FAM177A1: variants seen among roughly 807,000 people sequenced by gnomAD.
The protein encoded by FAM177A1 is family with sequence similarity 177 member A1.
In FAM177A1, 22 loss-of-function variants were observed where a neutral mutation model predicts 26.1. That is an observed-to-expected ratio of 0.84 (90% CI 0.60 to 1.20). The LOEUF (loss-of-function observed/expected upper bound fraction) is 1.20. Ranked by LOEUF, FAM177A1 falls within the 50% of genes most tolerant of loss-of-function variation. FAM177A1 has a pLI of 0.00. For missense variants in FAM177A1, 296 were observed against 291.1 expected, an observed-to-expected ratio of 1.02 and a Z score of -0.12; for synonymous variants, 95 against 99.3, an observed-to-expected ratio of 0.96 and a Z score of 0.26.
intron 1 of FAM177A1, among the ~76,000 whole-genome samples, chr14:35,051,660 G>A (rs1257395841): frequency 1.3e-5 from 2 of 152,124 alleles, no homozygotes; most frequent in Admixed American, 1.3e-4. Context: ...TGATCCTCCT[G>A]CCTCAGCCTC....
chr14:35,053,646 C>T (rs2045013329), intron 2 of FAM177A1, among the ~76,000 whole-genome samples, 195 bp downstream of exon 2: 1 of 151,996 alleles, frequency 6.6e-6, no homozygotes, highest in Non-Finnish European at 1.5e-5. Context: ...ATTTCAGTAG[C>T]CTGAAACAGC....
chr14:35,049,724 G>T (rs1266395702), intron 1 of FAM177A1, among the ~76,000 whole-genome samples: 1 of 152,164 alleles, frequency 6.6e-6, no homozygotes, highest in Non-Finnish European at 1.5e-5. Flanking sequence ...GGTAGAGGTT[G>T]CAGTGAGCCA....
intron 2 of FAM177A1, among the ~76,000 whole-genome samples, chr14:35,074,973 G>A (rs2045373424): frequency 6.6e-6 from 1 of 152,100 alleles, no homozygotes; most frequent in African/African-American, 2.4e-5. Context: ...GGAGGCAGAG[G>A]TTGCATTGAG....
At chr14:35,074,433 C>G (rs1475658739) in intron 2 of FAM177A1, among the ~76,000 whole-genome samples, 2 of 152,166 alleles carry the variant, frequency 1.3e-5, no homozygotes, top group African/African-American at 2.4e-5. Context: ...TCAAGCGATT[C>G]TCCTGTCTCA....
rs2045450728 is a variant in FAM177A1, at chr14:35,079,734, C to T, written c.504+710C>T. Among the ~76,000 whole-genome samples, 3 of 152,016 alleles carry T rather than the reference C, an allele frequency of 2.0e-5. No individual in the cohort carries two copies. In the South Asian group the frequency reaches 6.2e-4, roughly 32 times the overall value. ...AATATATAAAATGTTTAGAACAGCACCTAGTGAGCACAACAAATATTGGCA... is the reference window on the plus strand; with the variant it reads ...AATATATAAAATGTTTAGAACAGCATCTAGTGAGCACAACAAATATTGGCA... On this transcript the variant is annotated intron_variant, in intron 4 of 4. Coordinates refer to ENST00000280987, the MANE Select transcript of FAM177A1 (RefSeq NM_173607.5).
chr14:35,070,114 CAAAAAAAAAAAAA>C (rs746133319), intron 2 of FAM177A1, among the ~76,000 whole-genome samples: 4 of 53,854 alleles, frequency 7.4e-5, no homozygotes, highest in Admixed American at 2.8e-4. Context: ...GACTCTGTCT[CAAAAAAAAAAAAA>C]AAAAAAAAAA....
intron 1 of FAM177A1, among the ~76,000 whole-genome samples, chr14:35,052,978 A>G (rs1463579902): frequency 2.6e-5 from 4 of 152,226 alleles, no homozygotes; most frequent in South Asian, 2.1e-4. Context: ...TCTTTTTACT[A>G]TCAGAAATCT....
At chr14:35,069,560 C>T (rs1245316755) in intron 2 of FAM177A1, among the ~76,000 whole-genome samples, 1 of 152,076 alleles carries the variant, frequency 6.6e-6, no homozygotes, top group Non-Finnish European at 1.5e-5. Context: ...GCTGGGATTA[C>T]AGGCATGAGC....
Position 35,079,863 on chromosome 14 carries a change from A to C in FAM177A1, c.504+839A>C, listed in dbSNP as rs543458836. ...GTTGGGGAAATGGCAAAAATATAAT[A>C]GTTTATTGTCACTGGAGCATAAGGT... On this transcript the variant is annotated intron_variant, in intron 4 of 4. Transcript: ENST00000280987. Among the ~76,000 whole-genome samples, 3 of 152,242 alleles carry C rather than the reference A, an allele frequency of 2.0e-5. No homozygotes were observed. In the East Asian group the frequency reaches 5.8e-4, roughly 29 times the overall value.
rs1035452585 is a variant in FAM177A1 at position 35,077,644 on chromosome 14, G to T, written c.406+428G>T. ...ACCACAGGCGCCCGCCACCGCGCCC[G>T]GCTAATTTTTTGTATTTTTAGTAGA... On this transcript the variant is annotated intron_variant, in intron 3 of 4. Coordinates refer to ENST00000280987, the MANE Select transcript of FAM177A1 (RefSeq NM_173607.5). Among the ~76,000 whole-genome samples, 38 of 151,578 alleles carry T rather than the reference G, an allele frequency of 2.5e-4. 1 individual carries two copies. The highest frequency in any genetic ancestry group is 5.0e-4 in the Non-Finnish European group (34 of 67,924).
intron 2 of FAM177A1, among the ~76,000 whole-genome samples, chr14:35,071,172 AT>A (rs1017113596): frequency 2.0e-5 from 3 of 148,666 alleles, no homozygotes; most frequent in African/African-American, 2.5e-5. Flanking sequence ...GATTTTTTGT[AT>A]TTTTTTTTAG....
rs777330252 is a variant in FAM177A1, at chr14:35,053,265, A to T, written c.166-13A>T. 95 of 1,585,618 alleles carry T rather than the reference A, an allele frequency of 6.0e-5. No homozygotes were observed. The Middle Eastern group carries it at 1.3e-3, about 22-fold the overall frequency. On this transcript the variant is annotated splice_polypyrimidine_tract_variant and intron_variant, in intron 1 of 4. Transcript: ENST00000280987. ...CACTTGAAACTCATTTTCTTAAAATATCGTTGATATAGATGAGTAACGAAA... is the reference window on the plus strand; with the variant it reads ...CACTTGAAACTCATTTTCTTAAAATTTCGTTGATATAGATGAGTAACGAAA...
chr14:35,075,753 G>GA (rs1486838637), intron 2 of FAM177A1, among the ~76,000 whole-genome samples: 1 of 152,046 alleles, frequency 6.6e-6, no homozygotes, highest in Non-Finnish European at 1.5e-5. Flanking sequence ...AAATTTACAA[G>GA]AAAAAATCAA....
intron 1 of FAM177A1, among the ~76,000 whole-genome samples, chr14:35,047,939 A>G (rs1357948904): frequency 3.9e-5 from 6 of 152,324 alleles, no homozygotes; most frequent in East Asian, 1.9e-4. Context: ...CTCTTATAGT[A>G]TAAGATGTCG....
intron 1 of FAM177A1, among the ~76,000 whole-genome samples, chr14:35,050,626 A>G (rs922984155): frequency 1.3e-5 from 2 of 150,884 alleles, no homozygotes; most frequent in African/African-American, 4.9e-5. Context: ...AGAAGCCTCT[A>G]CTGTCTTGGG....
intron 1 of FAM177A1, 64 bp from the exon 2 acceptor site, chr14:35,053,214 C>T (rs2045002744): frequency 6.8e-7 from 1 of 1,467,726 alleles, no homozygotes; most frequent in Non-Finnish European, 9.3e-7. Flanking sequence ...AAAAGTTTTT[C>T]ACGTGTAATG....
intron 2 of FAM177A1, among the ~76,000 whole-genome samples, chr14:35,070,399 G>T (rs745758914): frequency 6.6e-6 from 1 of 151,316 alleles, no homozygotes; most frequent in Non-Finnish European, 1.5e-5. Flanking sequence ...GCATGATCTC[G>T]CCTCGCTGCA....
At chr14:35,077,585 C>G (rs2045417667) in intron 3 of FAM177A1, among the ~76,000 whole-genome samples, 1 of 149,752 alleles carries the variant, frequency 6.7e-6, no homozygotes. Context: ...CGGGTTCACG[C>G]CATTCGCCTG....
intron 2 of FAM177A1, among the ~76,000 whole-genome samples, chr14:35,063,643 A>G (rs2045194321): frequency 6.6e-6 from 1 of 152,132 alleles, no homozygotes; most frequent in Admixed American, 6.6e-5. Context: ...GAAATAACAA[A>G]TCTAGTCCTG....
Sources: gnomAD v4.1 joint callset for allele counts (sites outside exome capture counted in the v4.1 genomes callset) on GRCh38, gnomAD v4.1.1 for gene constraint, MANE v1.5 for transcripts, NCBI Gene and HGNC (gene_info 2026-07-23, HGNC 2026-07-21) for gene names.